The following PTPN13 variants were observed in gnomAD, a reference collection of about 807,000 sequenced individuals.
The protein encoded by PTPN13 is protein tyrosine phosphatase non-receptor type 13.
A neutral mutation model predicts 284.0 loss-of-function variants in PTPN13; 191 were observed. That is an observed-to-expected ratio of 0.67 (90% CI 0.60 to 0.76). The LOEUF (loss-of-function observed/expected upper bound fraction) is 0.76, where lower values mean the gene tolerates loss of function less well. PTPN13 is among the 30% of genes least tolerant of loss of function. The pLI is 0.00. For synonymous variants in PTPN13, 986 were observed against 1,022.3 expected (o/e 0.96, Z 0.68); for missense variants, 2,797 against 2,939.9 (o/e 0.95, Z 1.12).
At chr4:86,693,900 C>A (rs1286061000) in intron 6 of PTPN13, among the ~76,000 whole-genome samples, 5 of 152,000 alleles carry the variant, frequency 3.3e-5, no homozygotes, top group African/African-American at 1.2e-4. Context: ...CCCAGAGTAA[C>A]TTATTTCCCT....
chr4:86,600,285 A>G (rs12502645), intron 1 of PTPN13, among the ~76,000 whole-genome samples: 1,579 of 152,202 alleles, frequency 0.01, 9 homozygotes, highest in Non-Finnish European at 0.013. Flanking sequence ...GGTTCATCCT[A>G]TACCCCCTCC....
intron 5 of PTPN13, among the ~76,000 whole-genome samples, chr4:86,692,050 G>A (rs1413996610): frequency 2.0e-5 from 3 of 152,130 alleles, no homozygotes; most frequent in South Asian, 4.2e-4. Context: ...ACATTAATGA[G>A]CTGCTTTGTG....
intron 1 of PTPN13, among the ~76,000 whole-genome samples, chr4:86,623,706 C>A (rs1721506737): frequency 1.3e-5 from 2 of 152,162 alleles, no homozygotes; most frequent in South Asian, 4.1e-4. Context: ...AAATTCTTTA[C>A]TTTCTGCCCA....
At chr4:86,809,318 C>A (rs1396430100) in intron 45 of PTPN13, among the ~76,000 whole-genome samples, 1 of 152,164 alleles carries the variant, frequency 6.6e-6, no homozygotes, top group African/African-American at 2.4e-5. Context: ...CCATGTTTTT[C>A]TTAATAGAGC....
chr4:86,769,622 C>G (rs1316551468), intron 28 of PTPN13, 147 bp from the exon 29 acceptor site: 2 of 573,264 alleles, frequency 3.5e-6, no homozygotes, highest in Admixed American at 6.2e-5. Flanking sequence ...CTTCAGTATA[C>G]CATTGGAGTG....
chr4:86,688,892 A>G, intron 4 of PTPN13, 113 bp from the exon 5 acceptor site: 1 of 712,642 alleles, frequency 1.4e-6, no homozygotes, highest in Non-Finnish European at 2.2e-6. Flanking sequence ...TATTTCCTCC[A>G]AGTATGTGAA....
In PTPN13 at chr4:86,753,020, C is replaced by A. The variant is rs1283327802; in HGVS notation, c.3178C>A (p.His1060Asn). ...GQAYVLGMTM[H>N]SSGNSSSQVP... ...AATTTATGCCACAGGAATGACTATG[C>A]ATAGTTCTGGAAACTCTTCATCCCA... The change falls in exon 20 of 48, where the codon CAT becomes AAT. Residue 1060 changes from histidine to asparagine, a missense_variant. His to Asn is a moderately conservative substitution (Grantham distance 68, BLOSUM62 1). Transcript: ENST00000411767. The A allele has an allele frequency of 2.5e-6, 4 of 1,606,628 alleles. No individual in the cohort carries two copies. The highest frequency in any genetic ancestry group is 3.4e-6 in the Non-Finnish European group (4 of 1,174,752).
chr4:86,801,752 T>G (rs1006161212), intron 42 of PTPN13, among the ~76,000 whole-genome samples: 2 of 152,166 alleles, frequency 1.3e-5, no homozygotes, highest in African/African-American at 4.8e-5. Context: ...AAAACAAAAT[T>G]TTTAAATGCT....
At chr4:86,622,278 G>T (rs1294343985) in intron 1 of PTPN13, among the ~76,000 whole-genome samples, 1 of 152,106 alleles carries the variant, frequency 6.6e-6, no homozygotes, top group Non-Finnish European at 1.5e-5. Flanking sequence ...ATCATTTACT[G>T]TAGCTTAGAT....
chr4:86,807,954 C>G, intron 45 of PTPN13, 57 bp downstream of exon 45: 4 of 1,431,730 alleles, frequency 2.8e-6, no homozygotes, highest in Non-Finnish European at 3.8e-6. Flanking sequence ...GTAATCCAAG[C>G]CTGGACTCTT....
At chr4:86,779,520 C>T (rs1029894248) in intron 35 of PTPN13, among the ~76,000 whole-genome samples, 4 of 152,020 alleles carry the variant, frequency 2.6e-5, no homozygotes, top group African/African-American at 4.8e-5. Flanking sequence ...TGGGAACCCA[C>T]CATTTTGTAG....
At chr4:86,711,413 G>T (rs996556941) in intron 7 of PTPN13, among the ~76,000 whole-genome samples, 4 of 152,056 alleles carry the variant, frequency 2.6e-5, no homozygotes, top group Non-Finnish European at 5.9e-5. Flanking sequence ...ATTGATATAA[G>T]TTTTATGTGT....
intron 1 of PTPN13, among the ~76,000 whole-genome samples, chr4:86,616,848 C>G (rs900481491): frequency 6.6e-6 from 1 of 152,126 alleles, no homozygotes; most frequent in Non-Finnish European, 1.5e-5. Flanking sequence ...TATTTCTTTA[C>G]AGCAATGCAA....
chr4:86,620,360 T>C (rs551967557), intron 1 of PTPN13, among the ~76,000 whole-genome samples: 4 of 152,136 alleles, frequency 2.6e-5, no homozygotes, highest in Non-Finnish European at 5.9e-5. Flanking sequence ...AGATGGGGTT[T>C]CACCATGTTG....
intron 1 of PTPN13, among the ~76,000 whole-genome samples, chr4:86,607,165 G>T (rs747791966): frequency 1.3e-5 from 2 of 151,600 alleles, no homozygotes; most frequent in South Asian, 2.1e-4. Flanking sequence ...TTTAAAAAAA[G>T]TCTTTAAATA....
At chr4:86,637,528 C>T (rs531712934) in intron 2 of PTPN13, among the ~76,000 whole-genome samples, 8 of 151,634 alleles carry the variant, frequency 5.3e-5, no homozygotes, top group East Asian at 3.9e-4. Context: ...GTTCAATATA[C>T]GCAAATCAAT....
At position 86,664,033 on chromosome 4, in the gene PTPN13, T is replaced by C. The variant is rs114299539; in HGVS notation, c.116-8332T>C. On this transcript the variant is annotated intron_variant, in intron 2 of 47. Transcript: ENST00000411767. ...TTAATGTCCCTAATGAGAGCAGTGG[T>C]TTTCATTTGTGTGTAGGATAGGTTG... Among the ~76,000 whole-genome samples the C allele has an allele frequency of 9.7e-3, 1,479 of 152,212 alleles. 16 individuals are homozygous for C. Among genetic ancestry groups the C allele is most frequent in the African/African-American group, 0.034 (1,396 of 41,536 alleles).
intron 2 of PTPN13, among the ~76,000 whole-genome samples, chr4:86,654,085 G>A (rs1029752334): frequency 5.9e-5 from 9 of 152,032 alleles, no homozygotes; most frequent in Admixed American, 2.0e-4. Flanking sequence ...ATCTAAAATT[G>A]ACACCCTAAC....
At chr4:86,632,740 C>T (rs1210210861) in intron 1 of PTPN13, among the ~76,000 whole-genome samples, 1 of 151,714 alleles carries the variant, frequency 6.6e-6, no homozygotes, top group African/African-American at 2.4e-5. Context: ...TCAGGTGGAA[C>T]TCTGGGTAGA....
Sources: allele counts gnomAD v4.1 joint callset (sites outside exome capture counted in the v4.1 genomes callset), GRCh38; gene constraint gnomAD v4.1.1; transcripts MANE v1.5; gene names NCBI Gene and HGNC (gene_info 2026-07-23, HGNC 2026-07-21).